HIPK2: variants seen among roughly 807,000 people sequenced by gnomAD.
The protein encoded by HIPK2 is homeodomain-interacting protein kinase 2.
A neutral mutation model predicts 113.7 loss-of-function variants in HIPK2; 27 were observed. The ratio of observed to expected loss-of-function variants is 0.24; its 90% CI spans 0.17 to 0.33. The LOEUF (loss-of-function observed/expected upper bound fraction) is 0.33. Ranked by LOEUF, HIPK2 falls within the 10% of genes least tolerant of loss-of-function variation. HIPK2 has a pLI of 1.00. For synonymous variants in HIPK2, 631 were observed against 642.2 expected (o/e 0.98, Z 0.26); for missense variants, 1,257 against 1,588.0 (o/e 0.79, Z 3.54).
At chr7:139,580,267 G>A (rs1458346021) in intron 13 of HIPK2, among the ~76,000 whole-genome samples, 2 of 152,162 alleles carry the variant, frequency 1.3e-5, no homozygotes, top group Non-Finnish European at 2.9e-5. Context: ...CTGAGCTCGA[G>A]GGATCAGTGA....
chr7:139,771,888 G>C (rs1034789867), intron 1 of HIPK2, among the ~76,000 whole-genome samples: 1 of 152,186 alleles, frequency 6.6e-6, no homozygotes, highest in Admixed American at 6.5e-5. Flanking sequence ...TTGAGTAAAA[G>C]AAAACAAGTT....
At chr7:139,590,498 G>A (rs575729749) in intron 12 of HIPK2, among the ~76,000 whole-genome samples, 4 of 152,210 alleles carry the variant, frequency 2.6e-5, no homozygotes, top group Admixed American at 6.5e-5. Context: ...CATCCTTCAA[G>A]ACCAGGGTCA....
At chr7:139,763,479 C>A (rs1384853984) in intron 1 of HIPK2, among the ~76,000 whole-genome samples, 1 of 131,026 alleles carries the variant, frequency 7.6e-6, no homozygotes, top group Non-Finnish European at 1.6e-5. Context: ...CACGCCCCCC[C>A]CCCCACACGC....
chr7:139,638,909 G>A (rs1041964896), intron 2 of HIPK2, among the ~76,000 whole-genome samples: 2 of 152,100 alleles, frequency 1.3e-5, no homozygotes, highest in African/African-American at 2.4e-5. Context: ...CGCCCGCCTC[G>A]GCCTCCCAAA....
chr7:139,749,357 C>A (rs1368524140), intron 1 of HIPK2, among the ~76,000 whole-genome samples: 1 of 152,168 alleles, frequency 6.6e-6, no homozygotes, highest in Non-Finnish European at 1.5e-5. Flanking sequence ...AGGTGAATTA[C>A]CTATGAATTC....
intron 2 of HIPK2, among the ~76,000 whole-genome samples, chr7:139,675,006 G>A (rs766990826): frequency 4.6e-5 from 7 of 152,148 alleles, no homozygotes; most frequent in Admixed American, 1.3e-4. Flanking sequence ...GCTGGGAAAC[G>A]TGCTCACGTC....
Position 139,571,700 on chromosome 7 carries a change from G to A in HIPK2, c.*1227C>T, listed in dbSNP as rs1798286818. On this transcript the variant is annotated 3_prime_UTR_variant, in exon 15 of 15. Transcript: ENST00000406875. ...AAGGCCAGCGTAAACTGTTACAACA[G>A]CACAACAGAAGAGCTGAGATTGTGT... 1.3e-5 allele frequency: 2 copies of A among 152,316 alleles called. No homozygotes were observed. The highest frequency in any genetic ancestry group is 1.3e-4 in the Admixed American group (2 of 15,308). The allele number at this position is 152,316 out of a possible 1,614,324, so 9.4% of individuals were successfully genotyped here.
intron 13 of HIPK2, among the ~76,000 whole-genome samples, chr7:139,577,517 C>T (rs1798532466): frequency 6.6e-6 from 1 of 152,082 alleles, no homozygotes; most frequent in African/African-American, 2.4e-5. Flanking sequence ...CAGAAAATTC[C>T]AGATACCTTT....
intron 1 of HIPK2, among the ~76,000 whole-genome samples, chr7:139,732,051 GA>G (rs1795803716): frequency 6.6e-6 from 1 of 152,032 alleles, no homozygotes; most frequent in African/African-American, 2.4e-5. Context: ...CTAAAGATGA[GA>G]AAAAGGTGAG....
chr7:139,673,306 G>C (rs996536779), intron 2 of HIPK2, among the ~76,000 whole-genome samples: 1 of 152,160 alleles, frequency 6.6e-6, no homozygotes, highest in Non-Finnish European at 1.5e-5. Flanking sequence ...AATGAGAGTA[G>C]GGGCAGGCTT....
intron 2 of HIPK2, among the ~76,000 whole-genome samples, chr7:139,693,524 G>T (rs1341572035): frequency 6.6e-6 from 1 of 151,804 alleles, no homozygotes; most frequent in Non-Finnish European, 1.5e-5. Flanking sequence ...TTCTAGCCTT[G>T]TGCCACTTGG....
chr7:139,738,065 C>A (rs561139646), intron 1 of HIPK2, among the ~76,000 whole-genome samples: 109 of 152,374 alleles, frequency 7.2e-4, no homozygotes, highest in Admixed American at 2.7e-3. Context: ...AAGGCACAGG[C>A]TCAATTCAAG....
chr7:139,632,890 C>A (rs139246738), intron 2 of HIPK2, among the ~76,000 whole-genome samples: 3,436 of 151,920 alleles, frequency 0.023, 138 homozygotes, highest in African/African-American at 0.079. Flanking sequence ...GCAGCCTGGG[C>A]AACATGGCAA....
intron 2 of HIPK2, among the ~76,000 whole-genome samples, chr7:139,655,367 T>C (rs1488688871): frequency 2.6e-5 from 4 of 152,208 alleles, no homozygotes; most frequent in East Asian, 1.9e-4. Context: ...GTGGAGCCAG[T>C]AGAGAGTGAA....
intron 2 of HIPK2, among the ~76,000 whole-genome samples, chr7:139,682,778 G>C (rs529677876): frequency 1.3e-5 from 2 of 152,226 alleles, no homozygotes; most frequent in Non-Finnish European, 2.9e-5. Context: ...TTCTAACAGA[G>C]GGGACAGAAG....
intron 2 of HIPK2, among the ~76,000 whole-genome samples, chr7:139,699,725 T>C (rs892563204): frequency 5.5e-4 from 84 of 152,372 alleles, no homozygotes; most frequent in African/African-American, 1.9e-3. Flanking sequence ...CCAGCTGGCA[T>C]GGCTGTCACC....
At chr7:139,726,814 A>T (rs182870050) in intron 1 of HIPK2, among the ~76,000 whole-genome samples, 2 of 152,338 alleles carry the variant, frequency 1.3e-5, no homozygotes, top group East Asian at 3.9e-4. Flanking sequence ...AGACAGAGGG[A>T]CACAGCCAAA....
chr7:139,686,270 TG>T, intron 2 of HIPK2, among the ~76,000 whole-genome samples: 1 of 152,320 alleles, frequency 6.6e-6, no homozygotes, highest in South Asian at 2.1e-4. Context: ...TGCACTCTCA[TG>T]ATCAAACTTA....
At chr7:139,621,828 T>C (rs1800243219) in intron 6 of HIPK2, among the ~76,000 whole-genome samples, 1 of 148,834 alleles carries the variant, frequency 6.7e-6, no homozygotes, top group African/African-American at 2.5e-5. Flanking sequence ...GAGGCTGAGG[T>C]CGGAGAATCA....
Sources: gnomAD v4.1 joint callset for allele counts (sites outside exome capture counted in the v4.1 genomes callset) on GRCh38, gnomAD v4.1.1 for gene constraint, MANE v1.5 for transcripts, NCBI Gene and HGNC (gene_info 2026-07-23, HGNC 2026-07-21) for gene names.